Variants in INPP4B observed in about 807,000 individuals in gnomAD.
INPP4B encodes the protein inositol polyphosphate 4-phosphatase type II.
INPP4B carries 55 observed loss-of-function variants against 122.5 expected under a neutral mutation model. The observed-to-expected ratio is 0.45, with a 90% CI of 0.36 to 0.56. The LOEUF (loss-of-function observed/expected upper bound fraction) is 0.56. Among genes scored for constraint, INPP4B ranks in the 20% least tolerant of loss-of-function variants. INPP4B has a pLI of 0.00. For synonymous variants in INPP4B, 403 were observed against 388.7 expected (o/e 1.04, Z -0.43); for missense variants, 1,000 against 1,097.7 (o/e 0.91, Z 1.26).
chr4:142,159,215 G>C (rs1031574413), intron 17 of INPP4B, among the ~76,000 whole-genome samples: 22 of 149,726 alleles, frequency 1.5e-4, no homozygotes, highest in African/African-American at 4.7e-4. Context: ...TTACAGTTGA[G>C]AAAATTGAAC....
At chr4:142,157,602 C>T (rs564097952) in intron 17 of INPP4B, among the ~76,000 whole-genome samples, 1 of 152,172 alleles carries the variant, frequency 6.6e-6, no homozygotes, top group South Asian at 2.1e-4. Context: ...ATCCTTTTGC[C>T]TTTGAAGGAC....
At chr4:142,732,240 G>A (rs1386794511) in intron 1 of INPP4B, among the ~76,000 whole-genome samples, 1 of 152,072 alleles carries the variant, frequency 6.6e-6, no homozygotes, top group African/African-American at 2.4e-5. Flanking sequence ...AATGGTTCCA[G>A]TTTATCTAGC....
intron 16 of INPP4B, among the ~76,000 whole-genome samples, chr4:142,161,558 G>A (rs1820097130): frequency 1.3e-5 from 2 of 151,770 alleles, no homozygotes; most frequent in African/African-American, 2.4e-5. Flanking sequence ...TGATAATGCT[G>A]GCTTCACCAT....
chr4:142,537,425 TATATAG>T (rs1418904253), intron 2 of INPP4B, among the ~76,000 whole-genome samples: 441 of 40,938 alleles, frequency 0.011, 4 homozygotes, highest in African/African-American at 0.027. Context: ...TATATATATA[TATATAG>T]AGAGAGAGAG....
intron 1 of INPP4B, among the ~76,000 whole-genome samples, chr4:142,783,641 G>A (rs895988316): frequency 3.3e-5 from 5 of 152,040 alleles, no homozygotes; most frequent in Admixed American, 6.6e-5. Context: ...TGCAACACTG[G>A]GATTATGATA....
At chr4:142,465,705 G>A (rs553475484) in intron 2 of INPP4B, among the ~76,000 whole-genome samples, 1 of 152,310 alleles carries the variant, frequency 6.6e-6, no homozygotes, top group East Asian at 1.9e-4. Flanking sequence ...CAGCATTGGA[G>A]ATGAGGCCTA....
intron 12 of INPP4B, among the ~76,000 whole-genome samples, chr4:142,212,030 T>G (rs964948070): frequency 5.3e-5 from 8 of 152,166 alleles, no homozygotes; most frequent in Non-Finnish European, 7.4e-5. Flanking sequence ...TGAAGACATG[T>G]TAGGATTATA....
intron 12 of INPP4B, among the ~76,000 whole-genome samples, chr4:142,223,201 C>T (rs1428333358): frequency 1.3e-5 from 2 of 151,922 alleles, no homozygotes; most frequent in African/African-American, 2.4e-5. Context: ...TGCACACACA[C>T]ACACACACAC....
intron 1 of INPP4B, among the ~76,000 whole-genome samples, chr4:142,827,066 T>C (rs1294732693): frequency 6.6e-6 from 1 of 152,212 alleles, no homozygotes; most frequent in Non-Finnish European, 1.5e-5. Flanking sequence ...TAATAGTCAT[T>C]CACTTTCTAG....
rs979401152 is a variant in INPP4B, at chr4:142,026,760, C to G, written c.*2022G>C. The G allele has an allele frequency of 2.0e-5, 3 of 152,164 alleles. No homozygotes were observed. The highest frequency in any genetic ancestry group is 2.9e-5 in the Non-Finnish European group (2 of 68,024). 9.4% of individuals were successfully genotyped at this position (152,164 alleles called of 1,614,324 possible). A position where few individuals can be genotyped will look rare whatever the true frequency, so the allele number is the denominator to read the frequency against. On this transcript the variant is annotated 3_prime_UTR_variant, in exon 26 of 26. Transcript: ENST00000262992. Reference sequence around the variant, plus strand: ...GGATTACAGGAAATCCTTGAAATGTCTTTTAAAAATAGAAAACCCTACTGC... The same window carrying G: ...GGATTACAGGAAATCCTTGAAATGTGTTTTAAAAATAGAAAACCCTACTGC...
intron 1 of INPP4B, among the ~76,000 whole-genome samples, chr4:142,839,734 C>T (rs537546953): frequency 1.9e-4 from 29 of 152,270 alleles, no homozygotes; most frequent in Non-Finnish European, 4.1e-4. Flanking sequence ...CACAATTTGA[C>T]AATTATTGAA....
chr4:142,721,649 C>T (rs1010273681), intron 2 of INPP4B, among the ~76,000 whole-genome samples: 21 of 152,164 alleles, frequency 1.4e-4, no homozygotes, highest in African/African-American at 5.1e-4. Flanking sequence ...AGTGAAACCC[C>T]GTCTCTACTA....
intron 5 of INPP4B, among the ~76,000 whole-genome samples, chr4:142,414,608 C>T (rs1178000787): frequency 2.6e-5 from 4 of 152,176 alleles, no homozygotes; most frequent in African/African-American, 9.7e-5. Flanking sequence ...AGCTTATGCC[C>T]TGCTCCCTTA....
intron 12 of INPP4B, among the ~76,000 whole-genome samples, chr4:142,236,141 A>G (rs1434845625): frequency 3.9e-5 from 6 of 152,116 alleles, no homozygotes; most frequent in African/African-American, 1.2e-4. Context: ...TCCTTATTCT[A>G]CATAACTCCT....
chr4:142,557,099 G>T (rs921373961), intron 2 of INPP4B, among the ~76,000 whole-genome samples: 1 of 152,106 alleles, frequency 6.6e-6, no homozygotes, highest in Non-Finnish European at 1.5e-5. Flanking sequence ...TAGGCTGCCT[G>T]GAGAGGTTTG....
At chr4:142,685,838 C>T (rs1182631873) in intron 2 of INPP4B, among the ~76,000 whole-genome samples, 1 of 152,072 alleles carries the variant, frequency 6.6e-6, no homozygotes, top group Non-Finnish European at 1.5e-5. Context: ...GTCAAGACAA[C>T]TGACTTAAAT....
chr4:142,729,766 T>C (rs1371612344), intron 1 of INPP4B, among the ~76,000 whole-genome samples: 1 of 152,152 alleles, frequency 6.6e-6, no homozygotes, highest in East Asian at 1.9e-4. Flanking sequence ...CTGAGACCAG[T>C]TCAGTTGCTG....
At chr4:142,065,540 AT>A (rs1214917238) in intron 25 of INPP4B, among the ~76,000 whole-genome samples, 1 of 152,188 alleles carries the variant, frequency 6.6e-6, no homozygotes, top group Admixed American at 6.5e-5. Context: ...GGAATAAAAA[AT>A]GTCTGACAAC....
At chr4:142,659,764 T>C (rs147713266) in intron 2 of INPP4B, among the ~76,000 whole-genome samples, 183 of 152,244 alleles carry the variant, frequency 1.2e-3, no homozygotes, top group African/African-American at 4.3e-3. Context: ...AGCATAACTA[T>C]AGCAAACACT....
Sources: allele counts gnomAD v4.1 joint callset (sites outside exome capture counted in the v4.1 genomes callset), GRCh38; gene constraint gnomAD v4.1.1; transcripts MANE v1.5; gene names NCBI Gene and HGNC (gene_info 2026-07-23, HGNC 2026-07-21).